Variants in VWA3B observed in about 807,000 individuals in gnomAD.
The protein encoded by VWA3B is von Willebrand factor A domain-containing protein 3B.
Under a neutral mutation model 158.3 loss-of-function variants are expected in VWA3B, and 138 were observed. That is an observed-to-expected ratio of 0.87 (90% CI 0.76 to 1.00). VWA3B has a LOEUF of 1.00. Ranked by LOEUF, VWA3B falls within the 50% of genes least tolerant of loss-of-function variation. The pLI is 0.00. For synonymous variants in VWA3B, 596 were observed against 587.3 expected, an observed-to-expected ratio of 1.01 and a Z score of -0.21; for missense variants, 1,555 against 1,565.1, an observed-to-expected ratio of 0.99 and a Z score of 0.11.
rs546829405 is a variant in VWA3B, at chr2:98,300,279, C to A, written c.3420+63C>A. ...GGCAATGCCAGGCTGTATCCTGGCA[C>A]TGCCAGGCTTCTTGATGAATGGTTT... On this transcript the variant is annotated intron_variant, in intron 25 of 27. Coordinates refer to ENST00000477737, the MANE Select transcript of VWA3B (RefSeq NM_144992.5). The A allele has an allele frequency of 8.8e-6, 14 of 1,590,134 alleles. No homozygotes were observed. The African/African-American group carries it at 1.9e-4, about 21-fold the overall frequency.
At chr2:98,091,304 C>T (rs12996060) in intron 1 of VWA3B, among the ~76,000 whole-genome samples, 4 of 152,276 alleles carry the variant, frequency 2.6e-5, no homozygotes, top group African/African-American at 4.8e-5. Context: ...TTTAAATCCT[C>T]GAAGCTTGCG....
chr2:98,189,873 C>T (rs932044041), intron 10 of VWA3B, among the ~76,000 whole-genome samples: 7 of 152,090 alleles, frequency 4.6e-5, no homozygotes, highest in East Asian at 1.9e-4. Context: ...GCAGTTTAAC[C>T]GCCCTACATT....
chr2:98,257,098 C>G lies in VWA3B; in HGVS notation c.2843+924C>G, dbSNP rs537535401. 7.9e-5 allele frequency among the ~76,000 whole-genome samples: 12 copies of G among 152,136 alleles called. No individual in the cohort carries two copies. In the South Asian group the frequency reaches 2.1e-3, roughly 26 times the overall value. On this transcript the variant is annotated intron_variant, in intron 21 of 27. Transcript: ENST00000477737. ...TAGTCAAACCTCTCTTCATCTCCCC[C>G]ACCTCCACACACACTCTTCCCTGCC...
At chr2:98,269,510 T>C (rs915295088) in intron 21 of VWA3B, 1 of 152,244 alleles carries the variant, frequency 6.6e-6, no homozygotes, top group African/African-American at 2.4e-5. Context: ...GAAACCTATT[T>C]CTTCAGAAGT....
At chr2:98,214,232 A>G (rs756867205) in intron 13 of VWA3B, among the ~76,000 whole-genome samples, 2 of 151,134 alleles carry the variant, frequency 1.3e-5, no homozygotes, top group Non-Finnish European at 3.0e-5. Context: ...AAAAAAAACA[A>G]AAAAAAGAGG....
intron 22 of VWA3B, among the ~76,000 whole-genome samples, chr2:98,282,714 C>G (rs569910753): frequency 6.6e-6 from 1 of 152,288 alleles, no homozygotes; most frequent in East Asian, 1.9e-4. Flanking sequence ...GCTGGGATTA[C>G]AAGTGTGAGT....
At chr2:98,313,464 C>T (rs148309778), downstream of VWA3B, among the ~76,000 whole-genome samples, 7 of 152,252 alleles carry the variant, frequency 4.6e-5, no homozygotes, top group East Asian at 1.9e-4. Context: ...GAGCAGTCTC[C>T]GCTAATGAGA....
chr2:98,107,772 C>G (rs1466162175), intron 2 of VWA3B, among the ~76,000 whole-genome samples: 1 of 151,964 alleles, frequency 6.6e-6, no homozygotes, highest in South Asian at 2.1e-4. Context: ...CTTTGTCAGT[C>G]TTACTAGTGG....
chr2:98,181,417 G>A (rs2080799404), intron 9 of VWA3B, among the ~76,000 whole-genome samples: 1 of 152,144 alleles, frequency 6.6e-6, no homozygotes, highest in African/African-American at 2.4e-5. Flanking sequence ...CTGGGAATGA[G>A]TTCTAGACAT....
chr2:98,200,005 T>C (rs1682392616), intron 12 of VWA3B, among the ~76,000 whole-genome samples: 1 of 152,232 alleles, frequency 6.6e-6, no homozygotes, highest in African/African-American at 2.4e-5. Context: ...TTACATCTTC[T>C]CCAGCTTTTG....
At chr2:98,318,389 C>T in the VWA3B span, among the ~76,000 whole-genome samples, 4 of 152,006 alleles carry the variant, frequency 2.6e-5, no homozygotes, top group Non-Finnish European at 1.5e-5. Flanking sequence ...ACTATGCAGC[C>T]ATAAAAAAGA....
chr2:98,251,944 G>A (rs1264442509), intron 20 of VWA3B, among the ~76,000 whole-genome samples: 1 of 152,142 alleles, frequency 6.6e-6, no homozygotes, highest in Non-Finnish European at 1.5e-5. Flanking sequence ...CCAAGGATGA[G>A]CATTTCTTTG....
At chr2:98,164,267 A>T (rs1349379572) in intron 8 of VWA3B, among the ~76,000 whole-genome samples, 1 of 152,234 alleles carries the variant, frequency 6.6e-6, no homozygotes, top group Non-Finnish European at 1.5e-5. Flanking sequence ...GGTTTGAGTT[A>T]TTAATATTAA....
chr2:98,284,911 A>ATCTT (rs1164883297), intron 22 of VWA3B, among the ~76,000 whole-genome samples: 3 of 152,190 alleles, frequency 2.0e-5, no homozygotes, highest in African/African-American at 7.2e-5. Flanking sequence ...TATGTGGTTT[A>ATCTT]TCTTTTGATT....
intron 8 of VWA3B, among the ~76,000 whole-genome samples, chr2:98,167,540 G>A (rs1001599818): frequency 6.6e-6 from 1 of 152,172 alleles, no homozygotes; most frequent in Non-Finnish European, 1.5e-5. Flanking sequence ...GAACGTAGGT[G>A]GAGCCCAGAA....
chr2:98,149,883 C>T (rs375716620), intron 7 of VWA3B, among the ~76,000 whole-genome samples: 62 of 152,126 alleles, frequency 4.1e-4, no homozygotes, highest in African/African-American at 1.4e-3. Context: ...ATTACTAAAG[C>T]CTAGATAAAC....
intron 13 of VWA3B, among the ~76,000 whole-genome samples, chr2:98,215,622 A>G (rs1223858706): frequency 6.7e-6 from 1 of 148,706 alleles, no homozygotes; most frequent in Non-Finnish European, 1.5e-5. Flanking sequence ...GGTTCACGCC[A>G]TTCTCCTGCC....
intron 2 of VWA3B, among the ~76,000 whole-genome samples, chr2:98,112,143 T>C (rs1389324093): frequency 6.6e-6 from 1 of 152,204 alleles, no homozygotes; most frequent in East Asian, 1.9e-4. Context: ...TAGCCAGCTA[T>C]TTCAGAGTCA....
chr2:98,145,359 C>CA (rs1442690726), intron 7 of VWA3B, among the ~76,000 whole-genome samples: 1 of 152,230 alleles, frequency 6.6e-6, no homozygotes, highest in Non-Finnish European at 1.5e-5. Flanking sequence ...AACATACCCC[C>CA]ATGGAGTAGG....
Sources: gnomAD v4.1 joint callset for allele counts (sites outside exome capture counted in the v4.1 genomes callset) on GRCh38, gnomAD v4.1.1 for gene constraint, MANE v1.5 for transcripts, NCBI Gene and HGNC (gene_info 2026-07-23, HGNC 2026-07-21) for gene names.